The following YIPF1 variants were observed in gnomAD, a reference collection of about 807,000 sequenced individuals.
YIPF1 encodes the protein protein YIPF1.
In YIPF1, 22 loss-of-function variants were observed where a neutral mutation model predicts 37.0. The ratio of observed to expected loss-of-function variants is 0.59; its 90% CI spans 0.42 to 0.85. The LOEUF is 0.85. Ranked by LOEUF, YIPF1 falls within the 40% of genes least tolerant of loss-of-function variation. The pLI is 0.00. For synonymous variants in YIPF1, 128 were observed against 131.9 expected (o/e 0.97, Z 0.21); for missense variants, 355 against 373.1 (o/e 0.95, Z 0.40).
At chr1:53,881,041 G>C (rs1267014278) in intron 4 of YIPF1, among the ~76,000 whole-genome samples, 1 of 151,972 alleles carries the variant, frequency 6.6e-6, no homozygotes, top group African/African-American at 2.4e-5. Flanking sequence ...AAGATGGGTG[G>C]ATCATGAGGT....
chr1:53,859,391 C>T (rs1459541187), intron 10 of YIPF1, among the ~76,000 whole-genome samples: 1 of 152,108 alleles, frequency 6.6e-6, no homozygotes, highest in Admixed American at 6.5e-5. Context: ...TGGCCGGGCA[C>T]GGTGGCTCAC....
At chr1:53,870,324 C>T (rs935658999) in intron 7 of YIPF1, among the ~76,000 whole-genome samples, 5 of 151,738 alleles carry the variant, frequency 3.3e-5, no homozygotes, top group Admixed American at 6.6e-5. Flanking sequence ...GCATGCACCA[C>T]CATACCCGGT....
chr1:53,883,442 T>C (rs1650558511), intron 3 of YIPF1, among the ~76,000 whole-genome samples, 166 bp from the exon 4 acceptor site: 1 of 152,176 alleles, frequency 6.6e-6, no homozygotes, highest in East Asian at 1.9e-4. Flanking sequence ...GAGATCAATC[T>C]GATATAGAAA....
At chr1:53,862,833 C>A (rs889301871) in intron 9 of YIPF1, among the ~76,000 whole-genome samples, 2 of 152,178 alleles carry the variant, frequency 1.3e-5, no homozygotes, top group Admixed American at 6.5e-5. Flanking sequence ...CATGCACGAT[C>A]GGCCCCTGTT....
At chr1:53,861,598 G>C (rs963592543) in intron 9 of YIPF1, among the ~76,000 whole-genome samples, 16 of 147,906 alleles carry the variant, frequency 1.1e-4, no homozygotes, top group Admixed American at 4.7e-4. Context: ...GTGGTGGAGA[G>C]AGAAGGAAAG....
chr1:53,856,059 A>G (rs1395500189), intron 10 of YIPF1, among the ~76,000 whole-genome samples: 1 of 152,228 alleles, frequency 6.6e-6, no homozygotes, highest in Non-Finnish European at 1.5e-5. Context: ...GCCAGCTCGT[A>G]AATCAGCAGC....
In YIPF1 at chr1:53,871,441, C is replaced by G; in HGVS notation, c.412G>C (p.Gly138Arg). The change falls in exon 7 of 11, where the codon GGG becomes CGG. Residue 138 changes from glycine (G) to arginine (R), a missense_variant. Gly to Arg is a moderately radical substitution (Grantham distance 125, BLOSUM62 -2). Transcript: ENST00000072644. The stretch of plus-strand genomic sequence containing the variant: ...TGGATCAAGAAGTTGGAAAGATTCC[C>G]ACTAATTGCTATGGCAAAGACCAAC... Reference protein sequence around the residue: ...ATLVFAIAISGNLSNFLIHLG... With the variant: ...ATLVFAIAISRNLSNFLIHLG... 6.2e-7 allele frequency: 1 copy of G among 1,614,030 alleles called. No individual in the cohort carries two copies. Among genetic ancestry groups the G allele is most frequent in the Non-Finnish European group, 8.5e-7 (1 of 1,179,960 alleles).
intron 6 of YIPF1, among the ~76,000 whole-genome samples, chr1:53,874,080 G>A (rs1403190480): frequency 6.6e-6 from 1 of 152,022 alleles, no homozygotes; most frequent in East Asian, 1.9e-4. Context: ...TAGCATTTTT[G>A]TCCCTCTCCT....
At position 53,876,981 on chromosome 1, in the gene YIPF1, C is replaced by T. The variant is rs140242262; in HGVS notation, c.364+1334G>A. Reference sequence around the variant, plus strand: ...AATACTAAAATAGTGCTTATCTCCACGCTTGGCACTTATAAGGTATTCAAC... The same window carrying T: ...AATACTAAAATAGTGCTTATCTCCATGCTTGGCACTTATAAGGTATTCAAC... On this transcript the variant is annotated intron_variant, in intron 6 of 10. Coordinates refer to ENST00000072644, the MANE Select transcript of YIPF1 (RefSeq NM_018982.5). 1.8e-4 allele frequency among the ~76,000 whole-genome samples: 27 copies of T among 152,354 alleles called. 2 individuals are homozygous for T. Among genetic ancestry groups the T allele is most frequent in the Admixed American group, 1.2e-3 (18 of 15,304 alleles).
rs2100747897 is a variant in YIPF1, at chr1:53,888,915, T to C, written c.23A>G (p.Gln8Arg). The change falls in exon 3 of 11, where the codon CAA becomes CGA. Residue 8 changes from glutamine (Q) to arginine (R), a missense_variant. By Grantham distance (43) the Gln-to-Arg change is conservative. Coordinates refer to ENST00000072644, the MANE Select transcript of YIPF1 (RefSeq NM_018982.5). ...GCACCCAACTGGTATACCTTCAAATTGCAAGTCATCTACTGCTGCCATTCG... is the reference window on the plus strand; with the variant it reads ...GCACCCAACTGGTATACCTTCAAATCGCAAGTCATCTACTGCTGCCATTCG... Reference protein sequence around the residue: MAAVDDLQFEEFGNAATS... With the variant: MAAVDDLRFEEFGNAATS... 1 of 1,592,572 alleles carries C rather than the reference T, an allele frequency of 6.3e-7. No individual in the cohort carries two copies. Among genetic ancestry groups the C allele is most frequent in the East Asian group, 2.3e-5 (1 of 44,342 alleles).
At chr1:53,888,787 G>T in intron 3 of YIPF1, 120 bp downstream of exon 3, 1 of 1,052,364 alleles carries the variant, frequency 9.5e-7, no homozygotes, top group Non-Finnish European at 1.3e-6. Context: ...GTGGCCAACA[G>T]CCACCAAGAT....
chr1:53,878,362 C>G lies in YIPF1; in HGVS notation c.317G>C (p.Gly106Ala), dbSNP rs368635076. Residue 106 changes from glycine (G) to alanine (A), a missense_variant, in exon 6 of 11, where the codon GGG becomes GCG. Transcript: ENST00000072644. ...GATATATAACCTCACAAAGTTTTTCCCGGGTATTGGCAAAAGAGATCCTTT... is the reference window on the plus strand; with the variant it reads ...GATATATAACCTCACAAAGTTTTTCGCGGGTATTGGCAAAAGAGATCCTTT... ...RIKGSLLPIP[G>A]KNFVRLYIRS... is the part of the protein sequence containing the mutation. 8.1e-6 allele frequency: 13 copies of G among 1,614,080 alleles called. No individual in the cohort carries two copies. The highest frequency in any genetic ancestry group is 5.5e-5 in the South Asian group (5 of 91,076).
At chr1:53,863,199 C>T (rs1443071240) in intron 9 of YIPF1, among the ~76,000 whole-genome samples, 2 of 152,222 alleles carry the variant, frequency 1.3e-5, no homozygotes, top group African/African-American at 4.8e-5. Context: ...CTCATCTCCA[C>T]TGCTTTCTCA....
intron 4 of YIPF1, 105 bp downstream of exon 4, chr1:53,883,008 A>G: frequency 7.6e-7 from 1 of 1,309,726 alleles, no homozygotes; most frequent in Non-Finnish European, 1.0e-6. Flanking sequence ...TTTACCTCTG[A>G]GCTGTCATTG....
chr1:53,877,147 GC>G (rs1456378053), intron 6 of YIPF1, among the ~76,000 whole-genome samples: 3 of 152,092 alleles, frequency 2.0e-5, no homozygotes, highest in Non-Finnish European at 2.9e-5. Flanking sequence ...CAAGGCCTCT[GC>G]CAGGCACTAA....
chr1:53,880,496 T>C (rs917904524), intron 4 of YIPF1, among the ~76,000 whole-genome samples: 1 of 152,230 alleles, frequency 6.6e-6, no homozygotes, highest in African/African-American at 2.4e-5. Context: ...CAAAGTAATT[T>C]ATAGATTCAA....
In YIPF1 at chr1:53,864,049, G is replaced by C. The variant is rs1388961573; in HGVS notation, c.831+2151C>G. 2.6e-5 allele frequency among the ~76,000 whole-genome samples: 4 copies of C among 152,056 alleles called. No individual in the cohort carries two copies. The South Asian group carries it at 6.2e-4, about 24-fold the overall frequency. On this transcript the variant is annotated intron_variant, in intron 9 of 10. Coordinates refer to ENST00000072644, the MANE Select transcript of YIPF1 (RefSeq NM_018982.5). ...GAGCCACCAAGCCTGGCCTGAAGTG[G>C]GTTCTTAATAATAACCATAATAGCT...
In YIPF1 at chr1:53,871,422, A is replaced by C. The variant is rs1263037591; in HGVS notation, c.431T>G (p.Leu144Trp). The C allele has an allele frequency of 8.1e-6, 13 of 1,614,170 alleles. No individual in the cohort carries two copies. Among genetic ancestry groups the C allele is most frequent in the Non-Finnish European group, 1.1e-5 (13 of 1,179,990 alleles). Residue 144 changes from leucine to tryptophan, a missense_variant, in exon 7 of 11, where the codon TTG becomes TGG. Physicochemically the swap from Leu to Trp is moderately conservative, Grantham distance 61 (BLOSUM62 -2). Coordinates refer to ENST00000072644, the MANE Select transcript of YIPF1 (RefSeq NM_018982.5). ...GTACGTCTTCTCTCCCAGATGGATC[A>C]AGAAGTTGGAAAGATTCCCACTAAT... ...IAISGNLSNF[L>W]IHLGEKTYHY...
intron 10 of YIPF1, among the ~76,000 whole-genome samples, chr1:53,856,887 A>G (rs1649732622): frequency 6.6e-6 from 1 of 152,150 alleles, no homozygotes; most frequent in African/African-American, 2.4e-5. Flanking sequence ...CCTCCCCTAG[A>G]AGGTAGGCAA....
Sources: gnomAD v4.1 joint callset for allele counts (sites outside exome capture counted in the v4.1 genomes callset) on GRCh38, gnomAD v4.1.1 for gene constraint, MANE v1.5 for transcripts, NCBI Gene and HGNC (gene_info 2026-07-23, HGNC 2026-07-21) for gene names.